The following CACNA2D3 variants were observed in gnomAD, a reference collection of about 807,000 sequenced individuals.
CACNA2D3 encodes the protein calcium voltage-gated channel auxiliary subunit alpha2delta 3.
Under a neutral mutation model 160.6 loss-of-function variants are expected in CACNA2D3, and 60 were observed. The observed-to-expected ratio is 0.37, with a 90% CI of 0.30 to 0.46. The LOEUF is 0.46. Among genes scored for constraint, CACNA2D3 ranks in the 20% least tolerant of loss-of-function variants. The pLI is 1.00. For missense variants in CACNA2D3, 1,205 were observed against 1,365.0 expected (o/e 0.88, Z 1.85); for synonymous variants, 558 against 492.9 (o/e 1.13, Z -1.75).
chr3:54,342,528 G>A (rs142355793), intron 3 of CACNA2D3, among the ~76,000 whole-genome samples: 116 of 152,216 alleles, frequency 7.6e-4, no homozygotes, highest in African/African-American at 2.7e-3. Flanking sequence ...AGATCATCCC[G>A]GGTACAGTGT....
chr3:54,487,938 G>A (rs1217169074), intron 4 of CACNA2D3, among the ~76,000 whole-genome samples: 1 of 152,204 alleles, frequency 6.6e-6, no homozygotes, highest in Non-Finnish European at 1.5e-5. Flanking sequence ...GTTGGATGGG[G>A]CTGGGCTTGG....
At chr3:54,992,909 C>T (rs1000865279) in intron 31 of CACNA2D3, among the ~76,000 whole-genome samples, 3 of 152,140 alleles carry the variant, frequency 2.0e-5, no homozygotes, top group Non-Finnish European at 4.4e-5. Context: ...GACTTACAAC[C>T]ATCACGGATG....
intron 2 of CACNA2D3, among the ~76,000 whole-genome samples, chr3:54,181,498 C>A (rs768746381): frequency 2.0e-5 from 3 of 152,080 alleles, no homozygotes; most frequent in Non-Finnish European, 4.4e-5. Flanking sequence ...TAAGTAATTC[C>A]AAATATATTC....
At chr3:54,929,840 T>C (rs1203987599) in intron 27 of CACNA2D3, among the ~76,000 whole-genome samples, 2 of 152,280 alleles carry the variant, frequency 1.3e-5, no homozygotes, top group Admixed American at 1.3e-4. Flanking sequence ...TACATAACCA[T>C]CAATGGCCCC....
intron 2 of CACNA2D3, among the ~76,000 whole-genome samples, chr3:54,179,259 G>A (rs1399006597): frequency 2.0e-5 from 3 of 152,326 alleles, no homozygotes; most frequent in South Asian, 2.1e-4. Flanking sequence ...CGCTTGCATC[G>A]TCTGTCAGTA....
At chr3:54,145,683 C>G (rs888566730) in intron 2 of CACNA2D3, among the ~76,000 whole-genome samples, 1 of 152,194 alleles carries the variant, frequency 6.6e-6, no homozygotes, top group Non-Finnish European at 1.5e-5. Context: ...GCACCCAGTG[C>G]AGGGCGCAGC....
chr3:54,430,583 C>T (rs912810778), intron 4 of CACNA2D3, among the ~76,000 whole-genome samples: 3 of 152,170 alleles, frequency 2.0e-5, no homozygotes, highest in African/African-American at 7.2e-5. Flanking sequence ...GATTTGGTTG[C>T]TTGATGGGTT....
At chr3:54,129,771 T>C (rs1699670749) in intron 2 of CACNA2D3, among the ~76,000 whole-genome samples, 1 of 152,202 alleles carries the variant, frequency 6.6e-6, no homozygotes, top group Non-Finnish European at 1.5e-5. Context: ...GTGAAACAAC[T>C]GCCAGTTGAT....
chr3:54,762,148 T>A (rs1269566781), intron 12 of CACNA2D3, among the ~76,000 whole-genome samples: 1 of 152,116 alleles, frequency 6.6e-6, no homozygotes, highest in Non-Finnish European at 1.5e-5. Flanking sequence ...GCGTATAGGA[T>A]AAAGTCTAAA....
At chr3:54,142,710 A>C (rs569949698) in intron 2 of CACNA2D3, among the ~76,000 whole-genome samples, 1 of 152,278 alleles carries the variant, frequency 6.6e-6, no homozygotes, top group South Asian at 2.1e-4. Context: ...CCTGTGAGCA[A>C]GCTACTCTAT....
intron 11 of CACNA2D3, among the ~76,000 whole-genome samples, chr3:54,719,349 C>G (rs540921622): frequency 2.0e-5 from 3 of 151,890 alleles, no homozygotes; most frequent in South Asian, 4.2e-4. Flanking sequence ...TCTTCTGTTC[C>G]TAGTGTGGTA....
intron 11 of CACNA2D3, among the ~76,000 whole-genome samples, chr3:54,674,990 C>T (rs978862246): frequency 6.6e-6 from 1 of 151,940 alleles, no homozygotes; most frequent in African/African-American, 2.4e-5. Context: ...CCAGTGAGCC[C>T]AATGCTGAAG....
chr3:54,467,172 A>G (rs1700643624), intron 4 of CACNA2D3, among the ~76,000 whole-genome samples: 1 of 152,224 alleles, frequency 6.6e-6, no homozygotes, highest in Admixed American at 6.5e-5. Context: ...GTCTCCAGGA[A>G]AATAAGTTCA....
intron 9 of CACNA2D3, among the ~76,000 whole-genome samples, chr3:54,583,992 A>C (rs1609733): frequency 0.034 from 5,171 of 152,238 alleles, 143 homozygotes; most frequent in Admixed American, 0.074. Flanking sequence ...TTTCTACTCC[A>C]GCTGAATATC....
chr3:54,136,705 T>C (rs549873192), intron 2 of CACNA2D3, among the ~76,000 whole-genome samples: 10 of 152,372 alleles, frequency 6.6e-5, no homozygotes, highest in African/African-American at 2.2e-4. Context: ...CTGCTGTCCT[T>C]GTCTGGCTTC....
chr3:54,900,002 T>C, intron 27 of CACNA2D3, 134 bp downstream of exon 27: 1 of 651,872 alleles, frequency 1.5e-6, no homozygotes, highest in Non-Finnish European at 2.7e-6. Context: ...AATTACTTCC[T>C]TCTCAGCTTG....
chr3:54,320,826 G>A (rs1242591577), intron 3 of CACNA2D3, among the ~76,000 whole-genome samples: 1 of 152,118 alleles, frequency 6.6e-6, no homozygotes, highest in Non-Finnish European at 1.5e-5. Context: ...ATACAACGTG[G>A]GCCTGTAACT....
At position 54,898,141 on chromosome 3, in the gene CACNA2D3, T is replaced by TTC. The variant is rs1700236897; in HGVS notation, c.2368+1272_2368+1273insCT. 3.4e-5 allele frequency among the ~76,000 whole-genome samples: 3 copies of TTC among 87,122 alleles called. No individual in the cohort carries two copies. In the South Asian group the frequency reaches 1.0e-3, roughly 29 times the overall value. The allele number at this position is 87,122 out of a possible 152,430, so 57.2% of individuals were successfully genotyped here. A position where few individuals can be genotyped will look rare whatever the true frequency, so the allele number is the denominator to read the frequency against. ...TCTTTCTTTCTTTTTCTTTTTCTTT[T>TTC]TTCTTTCTTTCTTTCTTTATCTTTC... On this transcript the variant is annotated intron_variant, in intron 26 of 37. Transcript: ENST00000474759.
chr3:54,879,200 CTT>C lies in CACNA2D3; in HGVS notation c.1782+112_1782+113del, dbSNP rs1259720561. On this transcript the variant is annotated intron_variant, in intron 19 of 37. Coordinates refer to ENST00000474759, the MANE Select transcript of CACNA2D3 (RefSeq NM_018398.3). ...TATCTTTCGCTGAGATCATTTTTCT[CTT>C]GTCTTTACTTATCTCAAACAAGATT... 1.9e-5 allele frequency: 16 copies of C among 860,498 alleles called. No homozygotes were observed. The East Asian group carries it at 2.9e-4, about 16-fold the overall frequency. 53.3% of individuals were successfully genotyped at this position (860,498 alleles called of 1,614,324 possible). A position where few individuals can be genotyped will look rare whatever the true frequency, so the allele number is the denominator to read the frequency against.
Sources: gnomAD v4.1 joint callset for allele counts (sites outside exome capture counted in the v4.1 genomes callset) on GRCh38, gnomAD v4.1.1 for gene constraint, MANE v1.5 for transcripts, NCBI Gene and HGNC (gene_info 2026-07-23, HGNC 2026-07-21) for gene names.